NRAP: variants seen among roughly 807,000 people sequenced by gnomAD.
The protein encoded by NRAP is nebulin-related-anchoring protein.
In NRAP, 189 loss-of-function variants were observed where a neutral mutation model predicts 225.9. The observed-to-expected ratio is 0.84, with a 90% CI of 0.74 to 0.94. The LOEUF is 0.94. NRAP is among the 40% of genes least tolerant of loss of function. The pLI is 0.00. For synonymous variants in NRAP, 769 were observed against 790.7 expected, an observed-to-expected ratio of 0.97 and a Z score of 0.46; for missense variants, 2,176 against 2,168.7, an observed-to-expected ratio of 1.00 and a Z score of -0.07.
chr10:113,614,782 A>C, intron 28 of NRAP, 57 bp downstream of exon 28: 1 of 1,021,290 alleles, frequency 9.8e-7, no homozygotes, highest in Non-Finnish European at 1.6e-6. Context: ...TACGGGCAAA[A>C]GGAGTGAAAA....
At chr10:113,590,464 T>G in intron 40 of NRAP, 114 bp downstream of exon 40, 2 of 1,005,884 alleles carry the variant, frequency 2.0e-6, no homozygotes, top group Non-Finnish European at 2.9e-6. Context: ...GTGTCTTGGA[T>G]TCTCTCTCAG....
chr10:113,614,122 C>T (rs2133943475), intron 29 of NRAP, 61 bp downstream of exon 29: 1 of 1,061,164 alleles, frequency 9.4e-7, no homozygotes. Context: ...GTTAGGTTGC[C>T]ATGCAGTGAG....
At chr10:113,635,178 A>G (rs1041926099) in intron 14 of NRAP, among the ~76,000 whole-genome samples, 2 of 152,194 alleles carry the variant, frequency 1.3e-5, no homozygotes, top group African/African-American at 4.8e-5. Flanking sequence ...ACAAGAATAT[A>G]TGCATCATAT....
intron 9 of NRAP, among the ~76,000 whole-genome samples, 170 bp downstream of exon 9, chr10:113,649,867 C>T (rs761068611): frequency 3.3e-5 from 5 of 152,158 alleles, no homozygotes; most frequent in African/African-American, 4.8e-5. Context: ...TCAAGTTGAG[C>T]CCTGTGCAAT....
chr10:113,658,478 A>G (rs1329264256), intron 3 of NRAP, among the ~76,000 whole-genome samples: 1 of 152,248 alleles, frequency 6.6e-6, no homozygotes, highest in African/African-American at 2.4e-5. Flanking sequence ...TGAGATAGAC[A>G]AAGATTTCTT....
chr10:113,642,308 G>T (rs1238922347), intron 12 of NRAP, among the ~76,000 whole-genome samples: 1 of 152,076 alleles, frequency 6.6e-6, no homozygotes, highest in African/African-American at 2.4e-5. Flanking sequence ...AGGTATGTTG[G>T]CTCTTAAGCC....
chr10:113,593,837 C>T (rs1449960635), intron 38 of NRAP, among the ~76,000 whole-genome samples: 1 of 152,254 alleles, frequency 6.6e-6, no homozygotes, highest in African/African-American at 2.4e-5. Context: ...TGACACCAAA[C>T]TTGATGCAAC....
At chr10:113,632,913 G>C (rs1451348751) in intron 16 of NRAP, among the ~76,000 whole-genome samples, 171 bp downstream of exon 16, 1 of 152,206 alleles carries the variant, frequency 6.6e-6, no homozygotes, top group African/African-American at 2.4e-5. Context: ...TTTATCACTA[G>C]TAAACTACAA....
intron 40 of NRAP, 67 bp downstream of exon 40, chr10:113,590,511 T>C (rs1427767518): frequency 2.0e-6 from 3 of 1,485,096 alleles, no homozygotes; most frequent in African/African-American, 2.8e-5. Context: ...GAACGTGGCA[T>C]TATGGCCATC....
Position 113,640,288 on chromosome 10 carries a change from T to C in NRAP, c.1367A>G (p.Asn456Ser). The change falls in exon 14 of 42, where the codon AAC (asparagine) becomes AGC (serine). Residue 456 changes from asparagine (N) to serine (S), a missense_variant. Around this residue, in one of 3 missense-constraint regions of NRAP, gnomAD observed 1,708 missense variants for 1,695.5 expected, o/e 1.01. Coordinates refer to ENST00000359988, the MANE Select transcript of NRAP (RefSeq NM_198060.4). ...GGAAGGCGTGAGAGTGGCTGGGTAG[T>C]TGTAGTCGACAATATCATGTTTATA... The part of the protein sequence containing the change: ...ADYKHDIVDY[N>S]YPATLTPSYQ... 1 of 1,603,616 alleles carries C rather than the reference T, an allele frequency of 6.2e-7. No individual in the cohort carries two copies. Among genetic ancestry groups the C allele is most frequent in the Non-Finnish European group, 8.5e-7 (1 of 1,175,406 alleles).
chr10:113,598,632 A>G (rs1437736176), intron 35 of NRAP, among the ~76,000 whole-genome samples: 1 of 152,294 alleles, frequency 6.6e-6, no homozygotes, highest in East Asian at 1.9e-4. Context: ...TCTTTAAGTT[A>G]GATTTTTTGT....
intron 24 of NRAP, among the ~76,000 whole-genome samples, chr10:113,621,466 G>T (rs1020612700): frequency 2.0e-5 from 3 of 152,086 alleles, no homozygotes; most frequent in African/African-American, 7.2e-5. Context: ...ACAGGGAAAG[G>T]GTTATTGAAA....
At chr10:113,599,516 G>A (rs1287589152) in intron 35 of NRAP, among the ~76,000 whole-genome samples, 1 of 152,184 alleles carries the variant, frequency 6.6e-6, no homozygotes, top group Admixed American at 6.5e-5. Context: ...GAGATGAAGT[G>A]GGGAGCGCTC....
In NRAP at chr10:113,633,167, C is replaced by A; in HGVS notation, c.1549G>T (p.Glu517Ter). 3 of 1,599,256 alleles carry A rather than the reference C, an allele frequency of 1.9e-6. No homozygotes were observed. Among genetic ancestry groups the A allele is most frequent in the Non-Finnish European group, 2.6e-6 (3 of 1,166,548 alleles). Reference sequence around the variant, plus strand: ...AATGTGTAATTCAACTTATTTTTCTCATAGTCAGCACGGTAATTCACCTGT... The same window carrying A: ...AATGTGTAATTCAACTTATTTTTCTAATAGTCAGCACGGTAATTCACCTGT... ...LSHVNYRADY[E>*]KNKLNYTLPQ... is the part of the protein sequence containing the mutation. Residue 517 changes from glutamate to a stop codon, truncating the protein, a stop_gained, in exon 16 of 42, where the codon GAG (glutamate) becomes TAG (stop). Coordinates refer to ENST00000359988, the MANE Select transcript of NRAP (RefSeq NM_198060.4). LOFTEE classifies it high-confidence loss of function.
In NRAP at chr10:113,646,967, G is replaced by A; in HGVS notation, c.949C>T (p.Pro317Ser). The part of the protein sequence containing the change: ...GKGSFPAMIT[P>S]AYQNAKKAHE... ...GCTTTCTTGGCGTTCTGATATGCTGGAGTGATCATAGCTGGGAAGCTGCCC... is the reference window on the plus strand; with the variant it reads ...GCTTTCTTGGCGTTCTGATATGCTGAAGTGATCATAGCTGGGAAGCTGCCC... Residue 317 changes from proline to serine, a missense_variant, in exon 10 of 42, where the codon CCA (proline) becomes TCA (serine). Coordinates refer to ENST00000359988, the MANE Select transcript of NRAP (RefSeq NM_198060.4). The A allele has an allele frequency of 3.7e-6, 6 of 1,614,082 alleles. No homozygotes were observed. The highest frequency in any genetic ancestry group is 5.1e-6 in the Non-Finnish European group (6 of 1,179,952).
intron 17 of NRAP, 108 bp from the exon 18 acceptor site, chr10:113,631,718 A>G (rs1238505723): frequency 7.8e-6 from 7 of 892,280 alleles, no homozygotes. Flanking sequence ...AACACCTCCC[A>G]GTCTTTCACA....
In NRAP at chr10:113,604,847, C is replaced by A. The variant is rs189607000; in HGVS notation, c.3989G>T (p.Arg1330Leu). 6.2e-7 allele frequency: 1 copy of A among 1,614,158 alleles called. No individual in the cohort carries two copies. The highest frequency in any genetic ancestry group is 8.5e-7 in the Non-Finnish European group (1 of 1,180,028). ...IGPQSVRDDPRIQHCRRMGQL... is the reference protein window; with the variant it reads ...IGPQSVRDDPLIQHCRRMGQL... ...GCCCATGCGCCGGCAGTGCTGGATC[C>A]GGGGGTCGTCTCTTACACTCTGGGG... The change falls in exon 35 of 42, where the codon CGG (arginine) becomes CTG (leucine). Residue 1330 changes from arginine to leucine, a missense_variant. By Grantham distance (102) the Arg-to-Leu change is moderately radical. Around this residue, in one of 3 missense-constraint regions of NRAP, gnomAD observed 1,708 missense variants for 1,695.5 expected, o/e 1.01. Coordinates refer to ENST00000359988, the MANE Select transcript of NRAP (RefSeq NM_198060.4).
chr10:113,620,609 T>C lies in NRAP; in HGVS notation c.2869A>G (p.Ser957Gly). The C allele has an allele frequency of 1.9e-6, 3 of 1,604,494 alleles. No homozygotes were observed. Among genetic ancestry groups the C allele is most frequent in the South Asian group, 2.2e-5 (2 of 90,888 alleles). ...EQAKKAGELI[S>G]EKKYRQHPDA... ...AGGCTGTCAGGAAATCTCACCTCGC[T>C]AATGAGTTCTCCTGCCTTCTTCGCC... Residue 957 changes from serine (S) to glycine (G), a missense_variant, in exon 25 of 42, where the codon AGC becomes GGC. Around this residue, in one of 3 missense-constraint regions of NRAP, gnomAD observed 1,708 missense variants for 1,695.5 expected, o/e 1.01. Transcript: ENST00000359988.
chr10:113,635,254 C>T (rs866827043), intron 14 of NRAP, among the ~76,000 whole-genome samples: 1 of 152,174 alleles, frequency 6.6e-6, no homozygotes, highest in Non-Finnish European at 1.5e-5. Flanking sequence ...GGAATGGGAA[C>T]TTGGGCAGTG....
Sources: gnomAD v4.1 joint callset for allele counts (sites outside exome capture counted in the v4.1 genomes callset) on GRCh38, gnomAD v4.1.1 for gene constraint, gnomAD v4.1.1 regional missense constraint, MANE v1.5 for transcripts, NCBI Gene and HGNC (gene_info 2026-07-23, HGNC 2026-07-21) for gene names.